DLGAP5: variants seen among roughly 807,000 people sequenced by gnomAD.
DLGAP5 encodes DLG associated protein 5.
DLGAP5 carries 90 observed loss-of-function variants against 99.6 expected under a neutral mutation model. The observed-to-expected ratio is 0.90, with a 90% CI of 0.76 to 1.08. The LOEUF (loss-of-function observed/expected upper bound fraction) is 1.08, where lower values mean the gene tolerates loss of function less well. Ranked by LOEUF, DLGAP5 falls within the 50% of genes least tolerant of loss-of-function variation. The pLI, the probability that DLGAP5 is intolerant of heterozygous loss-of-function variation, is 0.00. For synonymous variants in DLGAP5, 311 were observed against 321.3 expected (o/e 0.97, Z 0.34); for missense variants, 1,036 against 983.5 (o/e 1.05, Z -0.71).
At chr14:55,162,047 C>G (rs1882462898) in intron 13 of DLGAP5, among the ~76,000 whole-genome samples, 1 of 151,794 alleles carries the variant, frequency 6.6e-6, no homozygotes, top group Admixed American at 6.6e-5. Context: ...GCATTTTTCT[C>G]ATATCATAAA....
At chr14:55,174,006 AAG>A (rs1224934975) in intron 10 of DLGAP5, among the ~76,000 whole-genome samples, 1 of 152,254 alleles carries the variant, frequency 6.6e-6, no homozygotes, top group Admixed American at 6.5e-5. Context: ...TTCAGGGAAT[AAG>A]AGAGATAACC....
At chr14:55,167,758 T>C (rs1234729928) in intron 12 of DLGAP5, among the ~76,000 whole-genome samples, 2 of 152,208 alleles carry the variant, frequency 1.3e-5, no homozygotes, top group South Asian at 2.1e-4. Context: ...TGGAAGTTAA[T>C]TTCCCTCAGA....
intron 14 of DLGAP5, 67 bp from the exon 15 acceptor site, chr14:55,154,873 C>A: frequency 5.1e-6 from 7 of 1,379,960 alleles, no homozygotes; most frequent in Non-Finnish European, 7.0e-6. Context: ...ACTAGGAATA[C>A]GGTGAAAATC....
chr14:55,154,656 T>G lies in DLGAP5; in HGVS notation c.2024A>C (p.His675Pro), dbSNP rs1342121107. ...NAGPQNTKSE[H>P]VKKTLFLSIP... ...ACTCAAAAACAAAGTCTTCTTCACA[T>G]GTTCACTTTTCGTATTCTGAGGACC... Residue 675 changes from histidine to proline, a missense_variant, in exon 15 of 19, where the codon CAT (histidine) becomes CCT (proline). Transcript: ENST00000247191. 6.2e-7 allele frequency: 1 copy of G among 1,614,182 alleles called. No homozygotes were observed. Among genetic ancestry groups the G allele is most frequent in the East Asian group, 2.2e-5 (1 of 44,862 alleles).
At position 55,189,028 on chromosome 14, in the gene DLGAP5, T is replaced by C. The variant is rs1188666403; in HGVS notation, c.152A>G (p.Asn51Ser). Residue 51 changes from asparagine to serine, a missense_variant, in exon 2 of 19, where the codon AAC becomes AGC. Coordinates refer to ENST00000247191, the MANE Select transcript of DLGAP5 (RefSeq NM_014750.5). ...AATTCTACCTTCCAAGGTTGGAATG[T>C]TTACATCTTTCAAACCAAAGTGTCT... Reference protein sequence around the residue: ...RNRHFGLKDVNIPTLEGRILV... With the variant: ...RNRHFGLKDVSIPTLEGRILV... The C allele has an allele frequency of 1.2e-6, 2 of 1,613,972 alleles. No homozygotes were observed. The highest frequency in any genetic ancestry group is 2.2e-5 in the South Asian group (2 of 91,060).
At chr14:55,169,799 A>G (rs1882788749) in intron 11 of DLGAP5, among the ~76,000 whole-genome samples, 1 of 152,194 alleles carries the variant, frequency 6.6e-6, no homozygotes, top group African/African-American at 2.4e-5. Flanking sequence ...ATAGCATTCT[A>G]CTTCTTGTTG....
At chr14:55,150,909 A>G (rs982661898) in intron 17 of DLGAP5, 61 bp from the exon 18 acceptor site, 6 of 1,139,882 alleles carry the variant, frequency 5.3e-6, no homozygotes. Context: ...GCTGTTAGAA[A>G]TGGACAAAGC....
intron 18 of DLGAP5, among the ~76,000 whole-genome samples, chr14:55,149,850 G>A (rs1881952327): frequency 6.6e-6 from 1 of 151,272 alleles, no homozygotes; most frequent in Admixed American, 6.6e-5. Context: ...AGAAGTTCGA[G>A]ACCAGCCTGG....
At chr14:55,159,054 A>C in intron 13 of DLGAP5, among the ~76,000 whole-genome samples, 1 of 143,882 alleles carries the variant, frequency 7.0e-6, no homozygotes, top group Non-Finnish European at 1.5e-5. Flanking sequence ...CCCCCCCCCC[A>C]TAAAAAAGAA....
chr14:55,154,914 A>G (rs1882154731), intron 14 of DLGAP5, 108 bp from the exon 15 acceptor site: 2 of 944,262 alleles, frequency 2.1e-6, no homozygotes, highest in Non-Finnish European at 3.1e-6. Context: ...CCTGTCAAAT[A>G]ATGTCTGTTA....
At chr14:55,173,333 G>A (rs1418290774) in intron 10 of DLGAP5, among the ~76,000 whole-genome samples, 1 of 151,290 alleles carries the variant, frequency 6.6e-6, no homozygotes, top group Non-Finnish European at 1.5e-5. Flanking sequence ...CCCACTGGCA[G>A]GAGGATGGCT....
At chr14:55,176,635 A>G (rs1181701922) in intron 8 of DLGAP5, among the ~76,000 whole-genome samples, 1 of 152,146 alleles carries the variant, frequency 6.6e-6, no homozygotes, top group East Asian at 1.9e-4. Context: ...ATGATTCCTA[A>G]TTAACACAGT....
At chr14:55,166,573 T>C (rs1882649867) in intron 12 of DLGAP5, among the ~76,000 whole-genome samples, 1 of 151,678 alleles carries the variant, frequency 6.6e-6, no homozygotes, top group South Asian at 2.1e-4. Flanking sequence ...CTACTAAAAA[T>C]ACAAAATTAG....
chr14:55,190,840 G>A (rs965507742), intron 1 of DLGAP5, among the ~76,000 whole-genome samples: 2 of 152,192 alleles, frequency 1.3e-5, no homozygotes, highest in African/African-American at 2.4e-5. Context: ...ATTCGCTAAA[G>A]ATTGAAGAAA....
chr14:55,183,836 T>C lies in DLGAP5; in HGVS notation c.239-83A>G, dbSNP rs1883349887. 3.7e-6 allele frequency: 5 copies of C among 1,340,370 alleles called. No homozygotes were observed. In the East Asian group the frequency reaches 1.4e-4, roughly 38 times the overall value. The allele number at this position is 1,340,370 out of a possible 1,614,324, so 83.0% of individuals were successfully genotyped here. ...ATGCAAATGTATAAACAATTATTTTTGTGTCATTTCAACTGCTGCTAAAAA... is the reference window on the plus strand; with the variant it reads ...ATGCAAATGTATAAACAATTATTTTCGTGTCATTTCAACTGCTGCTAAAAA... On this transcript the variant is annotated intron_variant, in intron 2 of 18. Coordinates refer to ENST00000247191, the MANE Select transcript of DLGAP5 (RefSeq NM_014750.5).
intron 2 of DLGAP5, among the ~76,000 whole-genome samples, chr14:55,188,576 G>A (rs983057525): frequency 1.3e-5 from 2 of 152,110 alleles, no homozygotes; most frequent in African/African-American, 4.8e-5. Flanking sequence ...TACTCCACAG[G>A]TAAAGGCTTT....
At chr14:55,187,429 C>T (rs1360439459) in intron 2 of DLGAP5, among the ~76,000 whole-genome samples, 1 of 151,330 alleles carries the variant, frequency 6.6e-6, no homozygotes, top group Non-Finnish European at 1.5e-5. Flanking sequence ...AGCGATTCTC[C>T]TGCCTCGGCC....
Position 55,175,900 on chromosome 14 carries a change from GCCAAA to G in DLGAP5, c.1163_1167del (p.Val388AlafsTer2). Reference sequence around the variant, plus strand: ...AATTAATTAAATACTATACCTTCATGCCAAACAGTTAGAGGACCCAAAGGACATGG... The same window carrying G: ...AATTAATTAAATACTATACCTTCATGCAGTTAGAGGACCCAAAGGACATGG... On this transcript the variant is annotated frameshift_variant, in exon 9 of 19. Transcript: ENST00000247191. LOFTEE classifies it high-confidence loss of function. 1 of 1,591,810 alleles carries G rather than the reference GCCAAA, an allele frequency of 6.3e-7. No homozygotes were observed. Among genetic ancestry groups the G allele is most frequent in the East Asian group, 2.2e-5 (1 of 44,578 alleles).
At chr14:55,182,913 T>C (rs1471493941) in intron 3 of DLGAP5, among the ~76,000 whole-genome samples, 2 of 152,176 alleles carry the variant, frequency 1.3e-5, no homozygotes, top group African/African-American at 2.4e-5. Flanking sequence ...TCTTTCCAAA[T>C]TTTTACTAAT....
Sources: gnomAD v4.1 joint callset for allele counts (sites outside exome capture counted in the v4.1 genomes callset) on GRCh38, gnomAD v4.1.1 for gene constraint, MANE v1.5 for transcripts, NCBI Gene and HGNC (gene_info 2026-07-23, HGNC 2026-07-21) for gene names.